Variants in NCOA2 observed in about 807,000 individuals in gnomAD.
NCOA2 encodes the protein nuclear receptor coactivator 2, also known as class E basic helix-loop-helix protein 75.
NCOA2 carries 21 observed loss-of-function variants against 145.1 expected under a neutral mutation model. The observed-to-expected ratio is 0.14, with a 90% CI of 0.10 to 0.21. The LOEUF is 0.21. NCOA2 is among the 10% of genes least tolerant of loss of function. The pLI, the probability that NCOA2 is intolerant of heterozygous loss-of-function variation, is 1.00. For synonymous variants in NCOA2, 619 were observed against 637.5 expected, an observed-to-expected ratio of 0.97 and a Z score of 0.44; for missense variants, 1,472 against 1,837.6, an observed-to-expected ratio of 0.80 and a Z score of 3.64.
chr8:70,297,177 T>C (rs913905186), intron 1 of NCOA2, among the ~76,000 whole-genome samples: 5 of 152,208 alleles, frequency 3.3e-5, no homozygotes, highest in African/African-American at 9.7e-5. Flanking sequence ...ACTGCATTCC[T>C]AGGGCTGTGC....
At chr8:70,302,676 G>T (rs1048129978) in intron 1 of NCOA2, among the ~76,000 whole-genome samples, 2 of 152,156 alleles carry the variant, frequency 1.3e-5, no homozygotes, top group African/African-American at 4.8e-5. Flanking sequence ...AGTGCTTAAA[G>T]TTAACTGAAA....
intron 2 of NCOA2, among the ~76,000 whole-genome samples, chr8:70,261,152 C>T (rs1375761835): frequency 6.6e-6 from 1 of 152,170 alleles, no homozygotes; most frequent in Non-Finnish European, 1.5e-5. Flanking sequence ...CACATGTACA[C>T]ATATGTTTAT....
intron 2 of NCOA2, among the ~76,000 whole-genome samples, chr8:70,223,010 A>G (rs2134061081): frequency 6.6e-6 from 1 of 152,318 alleles, no homozygotes; most frequent in East Asian, 1.9e-4. Flanking sequence ...GAATATGGCC[A>G]GGAATAGCAA....
chr8:70,208,327 G>C (rs1261036645), intron 4 of NCOA2, among the ~76,000 whole-genome samples: 1 of 152,122 alleles, frequency 6.6e-6, no homozygotes, highest in Admixed American at 6.5e-5. Context: ...TTTAAAGCTA[G>C]CAAAGGTGAG....
chr8:70,381,830 C>A (rs1023551936), intron 1 of NCOA2, among the ~76,000 whole-genome samples: 1 of 152,130 alleles, frequency 6.6e-6, no homozygotes, highest in Non-Finnish European at 1.5e-5. Context: ...CATGTGCTCA[C>A]AACCACAATA....
At chr8:70,338,937 A>C (rs1421703327) in intron 1 of NCOA2, among the ~76,000 whole-genome samples, 1 of 152,200 alleles carries the variant, frequency 6.6e-6, no homozygotes, top group Non-Finnish European at 1.5e-5. Flanking sequence ...CTAGGTATTG[A>C]AGGAACATAC....
intron 1 of NCOA2, among the ~76,000 whole-genome samples, chr8:70,350,052 C>G (rs1453016777): frequency 6.6e-6 from 1 of 151,984 alleles, no homozygotes; most frequent in Non-Finnish European, 1.5e-5. Flanking sequence ...TATTAGTATA[C>G]TGTTACGTAG....
intron 2 of NCOA2, among the ~76,000 whole-genome samples, chr8:70,246,807 A>C (rs1822667336): frequency 6.6e-6 from 1 of 152,136 alleles, no homozygotes; most frequent in African/African-American, 2.4e-5. Flanking sequence ...GTGGAATCAT[A>C]CATTAATTTT....
intron 1 of NCOA2, among the ~76,000 whole-genome samples, chr8:70,380,316 G>C (rs1812069941): frequency 6.6e-6 from 1 of 152,070 alleles, no homozygotes; most frequent in Non-Finnish European, 1.5e-5. Context: ...TCAGAACTCA[G>C]TTTTAGGGCA....
intron 4 of NCOA2, among the ~76,000 whole-genome samples, chr8:70,208,799 T>A (rs373123086): frequency 9.8e-5 from 15 of 152,338 alleles, no homozygotes; most frequent in East Asian, 9.6e-4. Context: ...AGAAAAAGAT[T>A]CCTTTCAAAA....
At position 70,187,721 on chromosome 8, in the gene NCOA2, G is replaced by A. The variant is rs56211592; in HGVS notation, c.260-12862C>T. Among the ~76,000 whole-genome samples, 567 of 152,178 alleles carry A rather than the reference G, an allele frequency of 3.7e-3. 8 individuals carry two copies. The highest frequency in any genetic ancestry group is 0.013 in the African/African-American group (551 of 41,510). On this transcript the variant is annotated intron_variant, in intron 4 of 22. Transcript: ENST00000452400. ...AAGTTACTCCCTATCAAATTAACTG[G>A]TTTAAATTACCTTAAAATTAGTTTT... is the stretch of plus-strand genomic sequence containing the variant.
At chr8:70,210,310 C>G (rs1818879724) in intron 4 of NCOA2, among the ~76,000 whole-genome samples, 1 of 152,176 alleles carries the variant, frequency 6.6e-6, no homozygotes, top group South Asian at 2.1e-4. Flanking sequence ...AAAAATTCTC[C>G]AAGATTATTT....
the NCOA2 span, among the ~76,000 whole-genome samples, chr8:70,412,927 G>A: frequency 3.3e-5 from 5 of 151,760 alleles, no homozygotes; most frequent in Non-Finnish European, 7.4e-5. Flanking sequence ...GCGAAACCCT[G>A]TCTCTACTAA....
chr8:70,116,525 T>C (rs11988743), intron 22 of NCOA2, among the ~76,000 whole-genome samples: 18 of 151,614 alleles, frequency 1.2e-4, no homozygotes, highest in Middle Eastern at 3.4e-3. Flanking sequence ...CACTCTAGCC[T>C]GGTCGACACA....
At chr8:70,171,570 G>A (rs528873999) in intron 5 of NCOA2, among the ~76,000 whole-genome samples, 1 of 152,322 alleles carries the variant, frequency 6.6e-6, no homozygotes, top group African/African-American at 2.4e-5. Context: ...TATGGATCAC[G>A]TGAGTGATCA....
At chr8:70,349,023 G>T (rs920539050) in intron 1 of NCOA2, among the ~76,000 whole-genome samples, 3 of 148,112 alleles carry the variant, frequency 2.0e-5, no homozygotes. Flanking sequence ...GGATGGGAGG[G>T]AAAAGGGGAA....
At chr8:70,167,378 G>A (rs111928300) in intron 6 of NCOA2, among the ~76,000 whole-genome samples, 1,542 of 152,152 alleles carry the variant, frequency 0.01, 24 homozygotes, top group African/African-American at 0.035. Context: ...TACCGGGCCC[G>A]CATGGATGTC....
intron 9 of NCOA2, among the ~76,000 whole-genome samples, chr8:70,160,684 A>AGAGAGAGG (rs1554579000): frequency 4.7e-5 from 7 of 147,854 alleles, no homozygotes; most frequent in African/African-American, 1.3e-4. Flanking sequence ...AGAGAGAGGG[A>AGAGAGAGG]GAGAGAGAGA....
intron 1 of NCOA2, among the ~76,000 whole-genome samples, chr8:70,329,780 A>G (rs1806917541): frequency 6.6e-6 from 1 of 151,986 alleles, no homozygotes; most frequent in South Asian, 2.1e-4. Context: ...CAGAAATCTC[A>G]TGGATGCAAC....
Sources: allele counts gnomAD v4.1 joint callset (sites outside exome capture counted in the v4.1 genomes callset), GRCh38; gene constraint gnomAD v4.1.1; transcripts MANE v1.5; gene names NCBI Gene and HGNC (gene_info 2026-07-23, HGNC 2026-07-21).